Variants in RRM1 observed in about 807,000 individuals in gnomAD.
The protein encoded by RRM1 is ribonucleoside-diphosphate reductase large subunit.
Under a neutral mutation model 101.5 loss-of-function variants are expected in RRM1, and 19 were observed. The observed-to-expected ratio is 0.19, with a 90% CI of 0.13 to 0.27. The LOEUF (loss-of-function observed/expected upper bound fraction) is 0.27, where lower values mean the gene tolerates loss of function less well. RRM1 is among the 10% of genes least tolerant of loss of function. The probability of loss-of-function intolerance (pLI) is 1.00; values close to 1 mark genes in which losing one functional copy is unlikely to be tolerated. For synonymous variants in RRM1, 298 were observed against 323.4 expected (o/e 0.92, Z 0.84); for missense variants, 500 against 962.9 (o/e 0.52, Z 6.36).
chr11:4,133,144 A>G (rs1485689090), intron 16 of RRM1, among the ~76,000 whole-genome samples: 2 of 152,178 alleles, frequency 1.3e-5, no homozygotes, highest in African/African-American at 4.8e-5. Flanking sequence ...ATGTGTATAT[A>G]TTATATAACG....
rs2133279659 is a variant in RRM1, at chr11:4,095,153, GCGGCCTTCCGCCCTGTCAGCCCGCT to G, written c.19+131_19+155del. The G allele has an allele frequency of 2.7e-6, 3 of 1,131,766 alleles. No individual in the cohort carries two copies. In the South Asian group the frequency reaches 4.2e-5, roughly 16 times the overall value. 70.1% of individuals were successfully genotyped at this position (1,131,766 alleles called of 1,614,324 possible). A position where few individuals can be genotyped will look rare whatever the true frequency, so the allele number is the denominator to read the frequency against. On this transcript the variant is annotated intron_variant, in intron 1 of 18. Coordinates refer to ENST00000300738, the MANE Select transcript of RRM1 (RefSeq NM_001033.5). The stretch of plus-strand genomic sequence containing the variant: ...TCCCGCCTTTCCCGCATTTCCCGCC[GCGGCCTTCCGCCCTGTCAGCCCGCT>G]CGGCCTTCTGTCTTCAGTCAGCCTG...
At chr11:4,108,321 G>C (rs937907773) in intron 4 of RRM1, among the ~76,000 whole-genome samples, 1 of 152,076 alleles carries the variant, frequency 6.6e-6, no homozygotes, top group African/African-American at 2.4e-5. Flanking sequence ...TGATTAGGCC[G>C]GGCGCGGTAG....
intron 2 of RRM1, among the ~76,000 whole-genome samples, chr11:4,102,342 A>T (rs966300865): frequency 6.6e-6 from 1 of 152,178 alleles, no homozygotes; most frequent in Non-Finnish European, 1.5e-5. Context: ...TATTTCCTTG[A>T]GTAAATTGTT....
rs754986434 is a variant in RRM1 at position 4,106,078 on chromosome 11, G to A, written c.141G>A (p.Leu47=). The change falls in exon 3 of 19, where the codon TTG becomes TTA. Residue 47 remains leucine (L), a synonymous_variant. Transcript: ENST00000300738. ...AQITMKVIQG[L]YSGVTTVELD... ...TCACCATGAAAGTAATCCAAGGCTTGTACAGTGGGGTCACCACAGTGGAAC... is the reference window on the plus strand; with the variant it reads ...TCACCATGAAAGTAATCCAAGGCTTATACAGTGGGGTCACCACAGTGGAAC... 1 of 1,613,816 alleles carries A rather than the reference G, an allele frequency of 6.2e-7. No individual in the cohort carries two copies.
chr11:4,094,916 A>G lies in RRM1; in HGVS notation c.-97A>G. ...TTCTTTCCCCTGAGCAGCGCCTGGAACCTAACCCTTCCCACTCTGTCACCT... is the reference window on the plus strand; with the variant it reads ...TTCTTTCCCCTGAGCAGCGCCTGGAGCCTAACCCTTCCCACTCTGTCACCT... On this transcript the variant is annotated 5_prime_UTR_variant, in exon 1 of 19. Coordinates refer to ENST00000300738, the MANE Select transcript of RRM1 (RefSeq NM_001033.5). The G allele has an allele frequency of 1.5e-6, 2 of 1,331,750 alleles. No homozygotes were observed. The highest frequency in any genetic ancestry group is 2.0e-5 in the Admixed American group (1 of 50,706). 82.5% of individuals were successfully genotyped at this position (1,331,750 alleles called of 1,614,324 possible).
intron 7 of RRM1, among the ~76,000 whole-genome samples, chr11:4,115,844 A>C (rs2094572339): frequency 6.6e-6 from 1 of 152,184 alleles, no homozygotes; most frequent in Admixed American, 6.5e-5. Context: ...GGTGTGAGCC[A>C]CTGCGCCTGG....
At chr11:4,118,539 C>T (rs1399055141) in intron 8 of RRM1, 78 bp downstream of exon 8, 20 of 1,521,032 alleles carry the variant, frequency 1.3e-5, no homozygotes, top group Middle Eastern at 3.4e-4. Flanking sequence ...AGGGCATATG[C>T]TATTTTTTGG....
rs1468277409 is a variant in RRM1, at chr11:4,127,062, C to T, written c.1498C>T (p.Pro500Ser). 1 of 1,613,070 alleles carries T rather than the reference C, an allele frequency of 6.2e-7. No homozygotes were observed. The highest frequency in any genetic ancestry group is 8.5e-7 in the Non-Finnish European group (1 of 1,179,744). ...ATGCCTATCAAATAAACGCCATCGC[C>T]CCATTGGAATTGGGGTACAAGGTCT... is the stretch of plus-strand genomic sequence containing the variant. ...EACLSNKRHR[P>S]IGIGVQGLAD... is the part of the protein sequence containing the mutation. Residue 500 changes from proline to serine, a missense_variant, in exon 14 of 19, where the codon CCC becomes TCC. Transcript: ENST00000300738.
At chr11:4,104,412 TG>T (rs1348231490) in intron 2 of RRM1, among the ~76,000 whole-genome samples, 3 of 152,196 alleles carry the variant, frequency 2.0e-5, no homozygotes, top group African/African-American at 7.2e-5. Flanking sequence ...TATTTTCTGT[TG>T]GATTAAGCGG....
chr11:4,119,568 G>A (rs1439590098), intron 8 of RRM1: 2 of 363,146 alleles, frequency 5.5e-6, no homozygotes, highest in Non-Finnish European at 1.0e-5. Flanking sequence ...TTTAAATTTA[G>A]CTACCTTGAT....
intron 8 of RRM1, 81 bp downstream of exon 8, chr11:4,118,542 T>C (rs1299559860): frequency 6.7e-7 from 1 of 1,482,282 alleles, no homozygotes; most frequent in Admixed American, 1.8e-5. Flanking sequence ...GCATATGCTA[T>C]TTTTTGGGAG....
At chr11:4,099,830 A>G (rs532864285) in intron 1 of RRM1, among the ~76,000 whole-genome samples, 2 of 151,380 alleles carry the variant, frequency 1.3e-5, no homozygotes, top group Admixed American at 6.6e-5. Context: ...TCTGCCTCCT[A>G]TTTTCAAGTG....
At chr11:4,137,925 G>T (rs1201119593) in intron 18 of RRM1, among the ~76,000 whole-genome samples, 4 of 116,132 alleles carry the variant, frequency 3.4e-5, no homozygotes, top group South Asian at 3.5e-4. Flanking sequence ...CTCCCGGATG[G>T]GGCAGCTGGC....
At chr11:4,125,809 G>A (rs917899612) in intron 12 of RRM1, among the ~76,000 whole-genome samples, 3 of 151,906 alleles carry the variant, frequency 2.0e-5, no homozygotes, top group African/African-American at 7.3e-5. Flanking sequence ...TTTCTTCCTG[G>A]CATTTATTAG....
chr11:4,127,484 C>A (rs1358199884), intron 14 of RRM1, among the ~76,000 whole-genome samples: 1 of 152,132 alleles, frequency 6.6e-6, no homozygotes, highest in Non-Finnish European at 1.5e-5. Context: ...CTGCAAGAGG[C>A]ACAGAAGGGG....
At chr11:4,104,167 T>C (rs2094555521) in intron 2 of RRM1, among the ~76,000 whole-genome samples, 1 of 152,096 alleles carries the variant, frequency 6.6e-6, no homozygotes, top group Non-Finnish European at 1.5e-5. Flanking sequence ...AGCACACAGA[T>C]GGTATTTTAT....
chr11:4,104,752 C>T (rs933739531), intron 2 of RRM1, among the ~76,000 whole-genome samples: 2 of 152,110 alleles, frequency 1.3e-5, no homozygotes, highest in South Asian at 2.1e-4. Context: ...ATTTGAACCT[C>T]GGGGGCGGAG....
chr11:4,094,773 G>A, upstream of RRM1: 6 of 586,470 alleles, frequency 1.0e-5, no homozygotes, highest in South Asian at 1.2e-4. Flanking sequence ...GCAGCGTCGA[G>A]TAACGTCATT....
intron 11 of RRM1, among the ~76,000 whole-genome samples, chr11:4,122,841 C>A (rs190840865): frequency 6.6e-6 from 1 of 151,292 alleles, no homozygotes; most frequent in East Asian, 1.9e-4. Context: ...CCACTGCACT[C>A]CAGCCTGGGT....
Sources: gnomAD v4.1 joint callset for allele counts (sites outside exome capture counted in the v4.1 genomes callset) on GRCh38, gnomAD v4.1.1 for gene constraint, MANE v1.5 for transcripts, NCBI Gene and HGNC (gene_info 2026-07-23, HGNC 2026-07-21) for gene names.